Variants in KCNJ15 observed in about 807,000 individuals in gnomAD.
The protein encoded by KCNJ15 is ATP-sensitive inward rectifier potassium channel 15.
In KCNJ15, 14 loss-of-function variants were observed where a neutral mutation model predicts 23.0. The ratio of observed to expected loss-of-function variants is 0.61; its 90% CI spans 0.40 to 0.95. The LOEUF is 0.95. KCNJ15 is among the 40% of genes least tolerant of loss of function. The probability of loss-of-function intolerance (pLI) is 0.00; values close to 1 mark genes in which losing one functional copy is unlikely to be tolerated. For synonymous variants in KCNJ15, 185 were observed against 183.2 expected (o/e 1.01, Z -0.08); for missense variants, 388 against 461.8 (o/e 0.84, Z 1.46).
Position 38,243,236 on chromosome 21 carries a change from C to T in KCNJ15, c.-398-13810C>T, listed in dbSNP as rs369521560. ...CTTAAGGGCAGGATTATTAAAGATG[C>T]ATCTGTTTATTTCCTGAAATTCACA... On this transcript the variant is annotated intron_variant, in intron 1 of 4. Transcript: ENST00000547341. Among the ~76,000 whole-genome samples, 4 of 152,010 alleles carry T rather than the reference C, an allele frequency of 2.6e-5. No individual in the cohort carries two copies. The East Asian group carries it at 5.8e-4, about 22-fold the overall frequency.
chr21:38,235,993 G>C (rs112557080), intron 1 of KCNJ15, among the ~76,000 whole-genome samples: 2 of 152,180 alleles, frequency 1.3e-5, no homozygotes. Context: ...TTTAGATTGT[G>C]TTAATATTTC....
intron 1 of KCNJ15, among the ~76,000 whole-genome samples, chr21:38,295,618 GTTTTTATCTT>G (rs892221512): frequency 6.6e-6 from 1 of 151,798 alleles, no homozygotes; most frequent in Non-Finnish European, 1.5e-5. Flanking sequence ...CATTCTTTGT[GTTTTTATCTT>G]TTGGAAAACT....
chr21:38,291,636 G>T (rs535293184), intron 1 of KCNJ15: 1 of 152,134 alleles, frequency 6.6e-6, no homozygotes, highest in Admixed American at 6.5e-5. Flanking sequence ...AGTATAAATC[G>T]TGGTTTTCCA....
intron 1 of KCNJ15, among the ~76,000 whole-genome samples, chr21:38,248,232 C>T (rs1424159994): frequency 1.3e-5 from 2 of 152,190 alleles, no homozygotes; most frequent in South Asian, 2.1e-4. Flanking sequence ...AACTGAGCAG[C>T]GACAAATATT....
chr21:38,240,262 A>G (rs573170379), intron 1 of KCNJ15, among the ~76,000 whole-genome samples: 9 of 152,322 alleles, frequency 5.9e-5, no homozygotes. Flanking sequence ...TCTGCAAAGA[A>G]TAAAAACAAG....
At chr21:38,275,792 T>C (rs1214828483) in intron 1 of KCNJ15, among the ~76,000 whole-genome samples, 1 of 152,190 alleles carries the variant, frequency 6.6e-6, no homozygotes, top group African/African-American at 2.4e-5. Flanking sequence ...GAAACATACT[T>C]TGCCACCCCA....
chr21:38,236,622 C>A (rs1204988168), intron 1 of KCNJ15, among the ~76,000 whole-genome samples: 7 of 152,162 alleles, frequency 4.6e-5, no homozygotes, highest in African/African-American at 1.2e-4. Context: ...GATTTTCAGA[C>A]CATTTTCCAG....
chr21:38,263,592 C>G (rs1323613860), intron 1 of KCNJ15, among the ~76,000 whole-genome samples: 1 of 152,230 alleles, frequency 6.6e-6, no homozygotes, highest in Non-Finnish European at 1.5e-5. Context: ...ACCACCTCCT[C>G]CCTGACCACA....
chr21:38,287,466 G>C (rs969470807), intron 1 of KCNJ15, among the ~76,000 whole-genome samples: 1 of 152,150 alleles, frequency 6.6e-6, no homozygotes, highest in Admixed American at 6.5e-5. Flanking sequence ...AGGCCACTCT[G>C]TACTATGCAA....
rs1205704830 is a variant in KCNJ15 at position 38,299,790 on chromosome 21, A to G, written c.529A>G (p.Thr177Ala). The G allele has an allele frequency of 5.0e-6, 8 of 1,613,968 alleles. No homozygotes were observed. Among genetic ancestry groups the G allele is most frequent in the Non-Finnish European group, 6.8e-6 (8 of 1,180,022 alleles). ...CGCCAGACCCAAAAAGCGGGCTGAG[A>G]CCATCAAGTTCAGCCACTGTGCAGT... ...KIARPKKRAETIKFSHCAVIT... is the reference protein window; with the variant it reads ...KIARPKKRAEAIKFSHCAVIT... Residue 177 changes from threonine to alanine, a missense_variant, in exon 3 of 3, where the codon ACC (threonine) becomes GCC (alanine). Coordinates refer to ENST00000398938, the MANE Select transcript of KCNJ15 (RefSeq NM_170736.3). The surrounding 1 kb of genome is among the most constrained non-coding windows in gnomAD (Gnocchi z 4.5).
intron 1 of KCNJ15, among the ~76,000 whole-genome samples, chr21:38,231,733 G>A (rs965273113): frequency 6.6e-6 from 1 of 151,066 alleles, no homozygotes; most frequent in African/African-American, 2.4e-5. Context: ...GTGTTTTTTT[G>A]TTCTTCTTTC....
chr21:38,248,670 C>T (rs1363500168), intron 1 of KCNJ15, among the ~76,000 whole-genome samples: 2 of 152,090 alleles, frequency 1.3e-5, no homozygotes, highest in African/African-American at 4.8e-5. Flanking sequence ...CTTCTGTGTC[C>T]CACAATTCAA....
chr21:38,285,878 C>T (rs990578493), intron 1 of KCNJ15, among the ~76,000 whole-genome samples: 1 of 152,148 alleles, frequency 6.6e-6, no homozygotes, highest in Admixed American at 6.5e-5. Flanking sequence ...CTTTGTCTTT[C>T]CTGGTAAGAA....
intron 1 of KCNJ15, among the ~76,000 whole-genome samples, chr21:38,294,705 T>G (rs550348674): frequency 2.4e-4 from 36 of 152,180 alleles, no homozygotes; most frequent in Admixed American, 9.2e-4. Context: ...ACACTGGAAG[T>G]GTAGTTCTCC....
chr21:38,304,493 G>A lies in KCNJ15; in HGVS notation c.*4104G>A, dbSNP rs947993666. ...TCCAGTCTTGATTTCCAAGTTTTGT[G>A]GTGTGCACTCGAAATCTAGTCTCTG... On this transcript the variant is annotated 3_prime_UTR_variant, in exon 3 of 3. Transcript: ENST00000398938. 1.3e-5 allele frequency: 2 copies of A among 151,336 alleles called. No individual in the cohort carries two copies. Among genetic ancestry groups the A allele is most frequent in the Non-Finnish European group, 2.9e-5 (2 of 67,866 alleles). The allele number at this position is 151,336 out of a possible 1,614,324, so 9.4% of individuals were successfully genotyped here. A position where few individuals can be genotyped will look rare whatever the true frequency, so the allele number is the denominator to read the frequency against.
intron 1 of KCNJ15, among the ~76,000 whole-genome samples, chr21:38,239,491 C>T (rs903379896): frequency 2.0e-5 from 3 of 152,166 alleles, no homozygotes; most frequent in African/African-American, 7.2e-5. Flanking sequence ...ACTTTCTCCC[C>T]TTTATTCTCT....
At chr21:38,296,088 T>C (rs1186156594) in intron 1 of KCNJ15, among the ~76,000 whole-genome samples, 1 of 152,148 alleles carries the variant, frequency 6.6e-6, no homozygotes, top group East Asian at 1.9e-4. Flanking sequence ...TGTAGACAGA[T>C]GGATGATTGA....
Position 38,300,435 on chromosome 21 carries a change from T to C in KCNJ15, c.*46T>C, listed in dbSNP as rs1985677518. On this transcript the variant is annotated 3_prime_UTR_variant, in exon 3 of 3. Coordinates refer to ENST00000398938, the MANE Select transcript of KCNJ15 (RefSeq NM_170736.3). ...TTTAACCCTGCAAGCTGTTTCCACATCAGAACTCCCTTCAAACACAAAGAT... is the reference window on the plus strand; with the variant it reads ...TTTAACCCTGCAAGCTGTTTCCACACCAGAACTCCCTTCAAACACAAAGAT... 6.6e-7 allele frequency: 1 copy of C among 1,506,588 alleles called. No individual in the cohort carries two copies. Among genetic ancestry groups the C allele is most frequent in the African/African-American group, 1.4e-5 (1 of 71,562 alleles). 93.3% of individuals were successfully genotyped at this position (1,506,588 alleles called of 1,614,324 possible). A position where few individuals can be genotyped will look rare whatever the true frequency, so the allele number is the denominator to read the frequency against.
chr21:38,243,223 A>G (rs1664894344), intron 1 of KCNJ15, among the ~76,000 whole-genome samples: 1 of 151,720 alleles, frequency 6.6e-6, no homozygotes, highest in Admixed American at 6.6e-5. Flanking sequence ...TAAGGGCAGG[A>G]TTATTAAAGA....
Sources: allele counts gnomAD v4.1 joint callset (sites outside exome capture counted in the v4.1 genomes callset), GRCh38; gene constraint gnomAD v4.1.1; non-coding constraint Gnocchi (gnomAD v3.1); transcripts MANE v1.5; gene names NCBI Gene and HGNC (gene_info 2026-07-23, HGNC 2026-07-21).